The following TAFA2 variants were observed in gnomAD, a reference collection of about 807,000 sequenced individuals.
TAFA2 encodes TAFA chemokine like family member 2.
A neutral mutation model predicts 18.8 loss-of-function variants in TAFA2; 7 were observed. That is an observed-to-expected ratio of 0.37 (90% CI 0.21 to 0.70). TAFA2 has a LOEUF of 0.70. Ranked by LOEUF, TAFA2 falls within the 30% of genes least tolerant of loss-of-function variation. TAFA2 has a pLI of 0.53. For synonymous variants in TAFA2, 60 were observed against 54.2 expected, an observed-to-expected ratio of 1.11 and a Z score of -0.47; for missense variants, 122 against 158.1, an observed-to-expected ratio of 0.77 and a Z score of 1.23.
chr12:61,855,202 T>G (rs1056674734), intron 2 of TAFA2, among the ~76,000 whole-genome samples: 4 of 152,344 alleles, frequency 2.6e-5, no homozygotes, highest in South Asian at 4.1e-4. Context: ...CCTGAGATAT[T>G]CTGCCTGACT....
chr12:61,749,690 T>G lies in TAFA2; in HGVS notation c.384+3932A>C, dbSNP rs186592419. 6.0e-3 allele frequency among the ~76,000 whole-genome samples: 909 copies of G among 152,220 alleles called. 3 individuals are homozygous for G. Among genetic ancestry groups the G allele is most frequent in the African/African-American group, 0.021 (864 of 41,560 alleles). ...TTAAATAAATGCATAAAGTGAAAGA[T>G]TTCAATTAGTTAAAAATTAGCCAGA... On this transcript the variant is annotated intron_variant, in intron 4 of 4. Coordinates refer to ENST00000416284, the MANE Select transcript of TAFA2 (RefSeq NM_178539.5).
intron 1 of TAFA2, among the ~76,000 whole-genome samples, chr12:62,016,300 G>A (rs1299851001): frequency 6.6e-6 from 1 of 152,106 alleles, no homozygotes; most frequent in African/African-American, 2.4e-5. Flanking sequence ...CAAGGATGCC[G>A]ACAGCTCATT....
At chr12:62,042,664 T>G (rs1453838451) in intron 1 of TAFA2, among the ~76,000 whole-genome samples, 1 of 152,146 alleles carries the variant, frequency 6.6e-6, no homozygotes, top group Admixed American at 6.5e-5. Flanking sequence ...AAAACACTTA[T>G]AACTCCATGA....
intron 2 of TAFA2, among the ~76,000 whole-genome samples, chr12:61,766,670 C>T (rs185369469): frequency 2.6e-5 from 4 of 152,114 alleles, no homozygotes; most frequent in Admixed American, 1.3e-4. Flanking sequence ...CAGCTTGAGA[C>T]ACAGTTTGAG....
intron 1 of TAFA2, among the ~76,000 whole-genome samples, chr12:61,929,096 A>G (rs914362523): frequency 4.0e-5 from 6 of 151,892 alleles, no homozygotes; most frequent in Non-Finnish European, 7.4e-5. Context: ...ACTACAGCAC[A>G]TGTATACCTA....
intron 1 of TAFA2, among the ~76,000 whole-genome samples, chr12:62,152,452 T>A (rs913288165): frequency 6.6e-6 from 1 of 152,230 alleles, no homozygotes; most frequent in Non-Finnish European, 1.5e-5. Context: ...TATGCATGGA[T>A]TGATTGCCTG....
rs117823109 is a variant in TAFA2, at chr12:62,028,857, A to G, written c.-1-161431T>C. Among the ~76,000 whole-genome samples the G allele has an allele frequency of 6.5e-3, 983 of 152,284 alleles. 3 individuals carry two copies. Among genetic ancestry groups the G allele is most frequent in the Non-Finnish European group, 9.4e-3 (638 of 68,008 alleles). ...ACCCAAAAGGACAAACTATAGTCCA[A>G]ACTACTTCCCAGTTCCTGTTTGCTT... On this transcript the variant is annotated intron_variant, in intron 1 of 4. Transcript: ENST00000416284.
intron 4 of TAFA2, among the ~76,000 whole-genome samples, chr12:61,745,461 C>T (rs1592360839): frequency 6.6e-6 from 1 of 151,942 alleles, no homozygotes. Flanking sequence ...ATAGCTTGTC[C>T]TCCATTTAGC....
At chr12:61,782,771 C>T (rs780338589) in intron 2 of TAFA2, among the ~76,000 whole-genome samples, 1 of 151,732 alleles carries the variant, frequency 6.6e-6, no homozygotes, top group Non-Finnish European at 1.5e-5. Context: ...AAGTTCCTTT[C>T]TAATTCAGGC....
chr12:61,886,269 G>A (rs1283187727), intron 1 of TAFA2, among the ~76,000 whole-genome samples: 2 of 152,118 alleles, frequency 1.3e-5, no homozygotes, highest in East Asian at 1.9e-4. Context: ...TGGCTCTAAT[G>A]TGTTGCCCCA....
At chr12:62,255,421 C>T (rs2062933521) in intron 1 of TAFA2, 2 of 152,316 alleles carry the variant, frequency 1.3e-5, no homozygotes, top group South Asian at 4.1e-4. Context: ...TAAATTAACA[C>T]TTTCTTGAAA....
intron 1 of TAFA2, chr12:62,139,973 A>G (rs1282080689): frequency 6.6e-6 from 1 of 152,218 alleles, no homozygotes; most frequent in African/African-American, 2.4e-5. Flanking sequence ...AGGAGGAAAG[A>G]CAGAGAGAAA....
chr12:62,077,066 T>C (rs150106504), intron 1 of TAFA2, among the ~76,000 whole-genome samples: 135 of 152,336 alleles, frequency 8.9e-4, no homozygotes, highest in African/African-American at 3.1e-3. Flanking sequence ...CTTCTAATCC[T>C]AGATAATTAT....
intron 1 of TAFA2, among the ~76,000 whole-genome samples, chr12:62,231,150 C>G (rs1314312377): frequency 1.3e-5 from 2 of 152,184 alleles, no homozygotes; most frequent in African/African-American, 4.8e-5. Context: ...AAGTCCCATA[C>G]TATTACTGTA....
rs141890347 is a variant in TAFA2 at position 61,910,032 on chromosome 12, C to A, written c.-1-42606G>T. On this transcript the variant is annotated intron_variant, in intron 1 of 4. Transcript: ENST00000416284. ...TCAACTGTATATGTAACTTTCAATGCAATGCAAAAAACAAGGCCCCAAAAG... is the reference window on the plus strand; with the variant it reads ...TCAACTGTATATGTAACTTTCAATGAAATGCAAAAAACAAGGCCCCAAAAG... Among the ~76,000 whole-genome samples, 598 of 151,862 alleles carry A rather than the reference C, an allele frequency of 3.9e-3. 10 individuals carry two copies. Among genetic ancestry groups the A allele is most frequent in the South Asian group, 0.021 (103 of 4,792 alleles).
intron 4 of TAFA2, among the ~76,000 whole-genome samples, chr12:61,753,215 C>A (rs1869101463): frequency 6.6e-6 from 1 of 151,958 alleles, no homozygotes; most frequent in African/African-American, 2.4e-5. Flanking sequence ...CTAAAAGAAT[C>A]TCAGTTAAAA....
At position 61,813,761 on chromosome 12, in the gene TAFA2, C is replaced by T. The variant is rs185398350; in HGVS notation, c.106+53559G>A. On this transcript the variant is annotated intron_variant, in intron 2 of 4. Transcript: ENST00000416284. ...CTGAGTTAAATTCTGGTTTTACTTA[C>T]TAGCTGTGACTCTGAGAAAATTATT... 1.3e-3 allele frequency among the ~76,000 whole-genome samples: 197 copies of T among 151,596 alleles called. 1 individual carries two copies. Among genetic ancestry groups the T allele is most frequent in the Non-Finnish European group, 2.2e-3 (152 of 68,022 alleles).
At chr12:61,966,955 T>C (rs761435651) in intron 1 of TAFA2, among the ~76,000 whole-genome samples, 11 of 151,936 alleles carry the variant, frequency 7.2e-5, no homozygotes, top group Non-Finnish European at 1.5e-4. Context: ...TATGTGTATA[T>C]GCTATTATGT....
At chr12:62,241,663 T>A (rs1429070840) in intron 1 of TAFA2, among the ~76,000 whole-genome samples, 1 of 152,228 alleles carries the variant, frequency 6.6e-6, no homozygotes, top group Non-Finnish European at 1.5e-5. Context: ...CTTGAAGATT[T>A]GTATGTTACC....
Sources: allele counts gnomAD v4.1 joint callset (sites outside exome capture counted in the v4.1 genomes callset), GRCh38; gene constraint gnomAD v4.1.1; transcripts MANE v1.5; gene names NCBI Gene and HGNC (gene_info 2026-07-23, HGNC 2026-07-21).